Variants in SORCS1 observed in about 807,000 individuals in gnomAD.
The protein encoded by SORCS1 is VPS10 domain-containing receptor SorCS1.
In SORCS1, 60 loss-of-function variants were observed where a neutral mutation model predicts 146.1. That is an observed-to-expected ratio of 0.41 (90% CI 0.33 to 0.51). The LOEUF (loss-of-function observed/expected upper bound fraction) is 0.51, where lower values mean the gene tolerates loss of function less well. Ranked by LOEUF, SORCS1 falls within the 20% of genes least tolerant of loss-of-function variation. The probability of loss-of-function intolerance (pLI) is 0.21; values close to 1 mark genes in which losing one functional copy is unlikely to be tolerated. For synonymous variants in SORCS1, 637 were observed against 584.0 expected (o/e 1.09, Z -1.31); for missense variants, 1,352 against 1,487.6 (o/e 0.91, Z 1.50).
intron 1 of SORCS1, among the ~76,000 whole-genome samples, chr10:107,002,820 A>G (rs1957273578): frequency 6.6e-6 from 1 of 152,198 alleles, no homozygotes; most frequent in Non-Finnish European, 1.5e-5. Context: ...CACAGATGTA[A>G]AAGTGCCAGA....
intron 2 of SORCS1, among the ~76,000 whole-genome samples, chr10:106,902,799 C>A (rs1187963353): frequency 6.6e-6 from 1 of 152,202 alleles, no homozygotes; most frequent in East Asian, 1.9e-4. Context: ...AATTACTGGG[C>A]CAGATGCAGT....
At chr10:107,026,207 A>ATTCC (rs1958393665) in intron 1 of SORCS1, among the ~76,000 whole-genome samples, 1 of 152,248 alleles carries the variant, frequency 6.6e-6, no homozygotes, top group African/African-American at 2.4e-5. Flanking sequence ...TGGAGAAAAA[A>ATTCC]TGTTGTTCAC....
intron 1 of SORCS1, among the ~76,000 whole-genome samples, chr10:107,160,565 C>T (rs908944738): frequency 6.6e-6 from 1 of 152,142 alleles, no homozygotes; most frequent in African/African-American, 2.4e-5. Context: ...ATCAAGCAGT[C>T]CATCATGTGC....
chr10:107,135,904 G>C (rs754835655), intron 1 of SORCS1, among the ~76,000 whole-genome samples: 1 of 152,146 alleles, frequency 6.6e-6, no homozygotes, highest in Non-Finnish European at 1.5e-5. Context: ...AGACAGATTA[G>C]AGAAGCTACT....
Position 107,164,412 on chromosome 10 carries a change from G to C in SORCS1, c.115C>G (p.Pro39Ala), listed in dbSNP as rs890884194. The part of the protein sequence containing the change: ...PGVCGGGSCC[P>A]SPHPSSAPRS... ...GGAGCGGAGCTGGGGTGCGGCGAGG[G>C]GCAGCAGGAGCCGCCGCCGCAGACG... Residue 39 changes from proline to alanine, a missense_variant, in exon 1 of 26, where the codon CCC becomes GCC. Pro to Ala is a conservative substitution (Grantham distance 27). This residue lies in a region of SORCS1 where 490 missense variants were observed against 489.1 expected (regional missense o/e 1.00). Transcript: ENST00000263054. The surrounding 1 kb of genome is among the most constrained non-coding windows in gnomAD (Gnocchi z 6.8). 2.1e-6 allele frequency: 3 copies of C among 1,414,820 alleles called. No homozygotes were observed. The African/African-American group carries it at 4.4e-5, about 21-fold the overall frequency. 87.6% of individuals were successfully genotyped at this position (1,414,820 alleles called of 1,614,324 possible). A position where few individuals can be genotyped will look rare whatever the true frequency, so the allele number is the denominator to read the frequency against.
chr10:107,157,905 C>T (rs2134893030), intron 1 of SORCS1, among the ~76,000 whole-genome samples: 1 of 152,274 alleles, frequency 6.6e-6, no homozygotes, highest in East Asian at 1.9e-4. Context: ...CCAGTTTCCC[C>T]TCCAGGAGAC....
chr10:106,635,676 A>G (rs1166109748), intron 18 of SORCS1, among the ~76,000 whole-genome samples: 2 of 152,202 alleles, frequency 1.3e-5, no homozygotes, highest in Non-Finnish European at 2.9e-5. Context: ...CTCTACTATT[A>G]CTATAAATAT....
intron 3 of SORCS1, among the ~76,000 whole-genome samples, chr10:106,821,024 TAGAC>T (rs1179308939): frequency 2.0e-5 from 3 of 152,146 alleles, no homozygotes; most frequent in Non-Finnish European, 2.9e-5. Context: ...AATAAATAAT[TAGAC>T]AGATAACTTT....
At chr10:106,796,508 C>T (rs1374665272) in intron 3 of SORCS1, among the ~76,000 whole-genome samples, 2 of 152,120 alleles carry the variant, frequency 1.3e-5, no homozygotes, top group Non-Finnish European at 2.9e-5. Flanking sequence ...GACTCAATTG[C>T]CAATGATACT....
intron 6 of SORCS1, among the ~76,000 whole-genome samples, chr10:106,725,885 G>A (rs1450777158): frequency 6.7e-6 from 1 of 149,196 alleles, no homozygotes; most frequent in Non-Finnish European, 1.5e-5. Context: ...GAGCCGAGAT[G>A]GTGCCAGTGC....
chr10:106,890,898 A>G (rs1951204915), intron 2 of SORCS1, among the ~76,000 whole-genome samples: 1 of 152,164 alleles, frequency 6.6e-6, no homozygotes, highest in Non-Finnish European at 1.5e-5. Flanking sequence ...AATCCTATGA[A>G]GCAGAGTTCA....
chr10:107,057,120 A>C (rs1960717365), intron 1 of SORCS1, among the ~76,000 whole-genome samples: 1 of 152,180 alleles, frequency 6.6e-6, no homozygotes, highest in Non-Finnish European at 1.5e-5. Context: ...AGAAGTAAAA[A>C]ACACACCACT....
At chr10:106,686,321 A>T (rs1335262048) in intron 10 of SORCS1, among the ~76,000 whole-genome samples, 1 of 152,176 alleles carries the variant, frequency 6.6e-6, no homozygotes, top group African/African-American at 2.4e-5. Context: ...TTGGGGGTGA[A>T]GCAGGGAATA....
the SORCS1 span, among the ~76,000 whole-genome samples, chr10:107,174,725 A>G: frequency 6.6e-6 from 1 of 152,124 alleles, no homozygotes; most frequent in Non-Finnish European, 1.5e-5. Context: ...ATATGTGCAT[A>G]TTAAAATTCT....
At chr10:107,143,187 G>A (rs1565099077) in intron 1 of SORCS1, among the ~76,000 whole-genome samples, 1 of 152,288 alleles carries the variant, frequency 6.6e-6, no homozygotes, top group East Asian at 1.9e-4. Context: ...ACTCCTACAA[G>A]TAGCTTTGCA....
At chr10:107,100,919 G>T (rs1234085196) in intron 1 of SORCS1, among the ~76,000 whole-genome samples, 1 of 152,150 alleles carries the variant, frequency 6.6e-6, no homozygotes, top group African/African-American at 2.4e-5. Flanking sequence ...TAGAGACAGG[G>T]TCTTGCTCTG....
rs534538562 is a variant in SORCS1, at chr10:106,732,692, G to A, written c.960-2578C>T. Among the ~76,000 whole-genome samples, 4 of 152,266 alleles carry A rather than the reference G, an allele frequency of 2.6e-5. No individual in the cohort carries two copies. The South Asian group carries it at 6.2e-4, about 24-fold the overall frequency. The stretch of plus-strand genomic sequence containing the variant: ...TGTCAACGGGAGGCAAAATAATTAC[G>A]CTGGATTCAGTGTAGCTTTCCATGT... On this transcript the variant is annotated intron_variant, in intron 5 of 25. Coordinates refer to ENST00000263054, the MANE Select transcript of SORCS1 (RefSeq NM_052918.5).
At chr10:106,860,608 G>C (rs140439617) in intron 2 of SORCS1, among the ~76,000 whole-genome samples, 35 of 152,324 alleles carry the variant, frequency 2.3e-4, no homozygotes, top group Admixed American at 7.8e-4. Context: ...ACATAGGAGT[G>C]ATGAACATGG....
chr10:106,760,442 CAA>C (rs34324078), intron 5 of SORCS1, among the ~76,000 whole-genome samples: 6 of 45,800 alleles, frequency 1.3e-4, no homozygotes, highest in East Asian at 7.4e-4. Flanking sequence ...GACTCCGTCT[CAA>C]AAAAAAAAAA....
Sources: gnomAD v4.1 joint callset for allele counts (sites outside exome capture counted in the v4.1 genomes callset) on GRCh38, gnomAD v4.1.1 for gene constraint, gnomAD v4.1.1 regional missense constraint, Gnocchi (gnomAD v3.1) non-coding constraint, MANE v1.5 for transcripts, NCBI Gene and HGNC (gene_info 2026-07-23, HGNC 2026-07-21) for gene names.